The following PTPN22 variants were observed in gnomAD, a reference collection of about 807,000 sequenced individuals.
PTPN22 encodes the protein tyrosine-protein phosphatase non-receptor type 22.
Under a neutral mutation model 103.3 loss-of-function variants are expected in PTPN22, and 85 were observed. The ratio of observed to expected loss-of-function variants is 0.82; its 90% CI spans 0.69 to 0.99. The LOEUF is 0.99. Among genes scored for constraint, PTPN22 ranks in the 50% least tolerant of loss-of-function variants. The pLI, the probability that PTPN22 is intolerant of heterozygous loss-of-function variation, is 0.00. For synonymous variants in PTPN22, 323 were observed against 310.2 expected (o/e 1.04, Z -0.43); for missense variants, 865 against 936.9 (o/e 0.92, Z 1.00).
intron 1 of PTPN22, among the ~76,000 whole-genome samples, chr1:113,865,455 T>G (rs924395236): frequency 6.6e-6 from 1 of 152,200 alleles, no homozygotes; most frequent in African/African-American, 2.4e-5. Flanking sequence ...CTTGGGGTAG[T>G]TGTAACGATT....
At chr1:113,864,118 G>A in intron 1 of PTPN22, 1 of 363,054 alleles carries the variant, frequency 2.8e-6, no homozygotes, top group Non-Finnish European at 5.4e-6. Context: ...TCTCAAAACA[G>A]ACAAACAAAC....
Position 113,847,827 on chromosome 1 carries a change from C to T in PTPN22, c.915+713G>A, listed in dbSNP as rs1032713887. ...CTCCTGATCCCAGGTCAAGACCAGC[C>T]TGGTCAATATGGCAAAACCCCACCT... On this transcript the variant is annotated intron_variant, in intron 11 of 20. Coordinates refer to ENST00000359785, the Ensembl canonical transcript of PTPN22. 3.3e-5 allele frequency among the ~76,000 whole-genome samples: 5 copies of T among 151,762 alleles called. No homozygotes were observed. In the East Asian group the frequency reaches 9.8e-4, roughly 30 times the overall value.
chr1:113,827,476 A>G (rs1662187386), intron 18 of PTPN22, among the ~76,000 whole-genome samples: 1 of 152,080 alleles, frequency 6.6e-6, no homozygotes, highest in Non-Finnish European at 1.5e-5. Flanking sequence ...AATTATATAT[A>G]AATATATTGA....
intron 20 of PTPN22, among the ~76,000 whole-genome samples, chr1:113,818,809 G>A (rs966409763): frequency 2.0e-5 from 3 of 152,180 alleles, no homozygotes; most frequent in African/African-American, 4.8e-5. Context: ...AGTAAGAAGA[G>A]GAGGCCACAC....
intron 10 of PTPN22, among the ~76,000 whole-genome samples, chr1:113,849,596 T>A (rs561267435): frequency 0.04 from 4,441 of 110,864 alleles, 102 homozygotes; most frequent in Middle Eastern, 0.13. Context: ...ATTTATTTAT[T>A]TTTTTTTTTG....
intron 15 of PTPN22, 44 bp downstream of exon 15, chr1:113,834,265 G>A (rs1430963312): frequency 1.3e-6 from 2 of 1,578,090 alleles, no homozygotes; most frequent in South Asian, 2.2e-5. Flanking sequence ...TAGAACTGTA[G>A]TCTATTGAAT....
At chr1:113,858,774 G>T (rs569343773) in intron 3 of PTPN22, among the ~76,000 whole-genome samples, 20 of 151,822 alleles carry the variant, frequency 1.3e-4, no homozygotes, top group African/African-American at 4.6e-4. Flanking sequence ...CCAGTAGCTG[G>T]GACTACAAGC....
At chr1:113,826,826 C>T (rs1324242361) in intron 18 of PTPN22, among the ~76,000 whole-genome samples, 1 of 150,838 alleles carries the variant, frequency 6.6e-6, no homozygotes, top group Non-Finnish European at 1.5e-5. Context: ...CCCGCCACTA[C>T]GCCCGGCTAA....
intron 11 of PTPN22, among the ~76,000 whole-genome samples, chr1:113,846,169 ATT>A: frequency 6.6e-6 from 1 of 151,872 alleles, no homozygotes; most frequent in South Asian, 2.1e-4. Flanking sequence ...CTGCTATTTT[ATT>A]TTTTGTTTTC....
chr1:113,823,582 G>A (rs1661798958), intron 19 of PTPN22: 1 of 152,226 alleles, frequency 6.6e-6, no homozygotes, highest in Non-Finnish European at 1.5e-5. Context: ...ATCTCTGAAA[G>A]TTCCACTATA....
chr1:113,834,553 A>G, intron 14 of PTPN22, 114 bp from the exon 15 acceptor site: 2 of 1,121,532 alleles, frequency 1.8e-6, no homozygotes, highest in East Asian at 4.7e-5. Flanking sequence ...TAATCTAGTT[A>G]ATTCACACTT....
chr1:113,856,443 TAAAAAG>T lies in PTPN22; in HGVS notation c.481-8_481-3del. 3 of 1,606,134 alleles carry T rather than the reference TAAAAAG, an allele frequency of 1.9e-6. No individual in the cohort carries two copies. Among genetic ancestry groups the T allele is most frequent in the Non-Finnish European group, 2.6e-6 (3 of 1,175,970 alleles). ...ATCAGATTTCCTTTTTTCAGCTTCCTAAAAAGAAAAAGAAGACTCAAGTATTAGTGA... is the reference window on the plus strand; with the variant it reads ...ATCAGATTTCCTTTTTTCAGCTTCCTAAAAAGAAGACTCAAGTATTAGTGA... On this transcript the variant is annotated splice_region_variant and splice_polypyrimidine_tract_variant and intron_variant, in intron 6 of 20. Transcript: ENST00000359785.
Position 113,855,503 on chromosome 1 carries a change from C to CA in PTPN22, c.541-455dup, listed in dbSNP as rs58516952. 3.8e-3 allele frequency among the ~76,000 whole-genome samples: 321 copies of CA among 84,142 alleles called. 5 individuals are homozygous for CA. Among genetic ancestry groups the CA allele is most frequent in the East Asian group, 0.014 (32 of 2,266 alleles). 55.2% of individuals were successfully genotyped at this position (84,142 alleles called of 152,430 possible). A position where few individuals can be genotyped will look rare whatever the true frequency, so the allele number is the denominator to read the frequency against. ...TGGGTGACAGAGCGAGACTCTGTCT[C>CA]AAAAAAAAAAAAAAAAAAAAAAAAG... On this transcript the variant is annotated intron_variant, in intron 7 of 20. Transcript: ENST00000359785.
intron 18 of PTPN22, among the ~76,000 whole-genome samples, chr1:113,826,764 G>A (rs1402767313): frequency 7.0e-6 from 1 of 143,422 alleles, no homozygotes; most frequent in African/African-American, 2.7e-5. Context: ...CCGCCTCCCG[G>A]GTTCACGCCA....
chr1:113,819,487 C>T lies in PTPN22; in HGVS notation c.2359+90G>A, dbSNP rs1221754982. 18 of 967,618 alleles carry T rather than the reference C, an allele frequency of 1.9e-5. No homozygotes were observed. In the Admixed American group the frequency reaches 4.1e-4, roughly 22 times the overall value. The allele number at this position is 967,618 out of a possible 1,614,324, so 59.9% of individuals were successfully genotyped here. A position where few individuals can be genotyped will look rare whatever the true frequency, so the allele number is the denominator to read the frequency against. On this transcript the variant is annotated intron_variant, in intron 20 of 20. Coordinates refer to ENST00000359785, the Ensembl canonical transcript of PTPN22. ...TAAACATAAGGACCTATACATGCAACCTAAAATCATATTTAAAGTTGAATC... is the reference window on the plus strand; with the variant it reads ...TAAACATAAGGACCTATACATGCAATCTAAAATCATATTTAAAGTTGAATC...
chr1:113,829,510 T>A, intron 18 of PTPN22, 82 bp downstream of exon 18: 1 of 677,264 alleles, frequency 1.5e-6, no homozygotes, highest in East Asian at 2.6e-5. Context: ...TAATCTAATT[T>A]TCCATCTTAA....
At chr1:113,837,912 T>G (rs1467255554) in exon 13 of PTPN22, 12 of 1,614,032 alleles carry the variant, frequency 7.4e-6, no homozygotes, top group Non-Finnish European at 1.0e-5. Flanking sequence ...AATAATTCAG[T>G]TCTGCTGAAG....
chr1:113,854,025 C>A (rs1571435585), intron 9 of PTPN22, among the ~76,000 whole-genome samples: 1 of 151,904 alleles, frequency 6.6e-6, no homozygotes, highest in South Asian at 2.1e-4. Context: ...ACCACCATGC[C>A]CGGCTAATTT....
At chr1:113,824,132 C>T (rs1375687877) in intron 19 of PTPN22, among the ~76,000 whole-genome samples, 1 of 147,532 alleles carries the variant, frequency 6.8e-6, no homozygotes, top group Admixed American at 6.8e-5. Flanking sequence ...GACGGAGTCT[C>T]GCTCTGTTGC....
Sources: gnomAD v4.1 joint callset for allele counts (sites outside exome capture counted in the v4.1 genomes callset) on GRCh38, gnomAD v4.1.1 for gene constraint, MANE v1.5 for transcripts, NCBI Gene and HGNC (gene_info 2026-07-23, HGNC 2026-07-21) for gene names.